Variants in CA10 observed in about 807,000 individuals in gnomAD.
CA10 encodes the protein carbonic anhydrase-related protein 10.
A neutral mutation model predicts 44.2 loss-of-function variants in CA10; 14 were observed. That is an observed-to-expected ratio of 0.32 (90% CI 0.21 to 0.50). The LOEUF is 0.50. CA10 is among the 20% of genes least tolerant of loss of function. CA10 has a pLI of 0.99. For synonymous variants in CA10, 159 were observed against 141.6 expected (o/e 1.12, Z -0.87); for missense variants, 350 against 409.7 (o/e 0.85, Z 1.26).
chr17:51,892,430 AAAT>A (rs1183656757), intron 3 of CA10, among the ~76,000 whole-genome samples: 2 of 152,190 alleles, frequency 1.3e-5, no homozygotes, highest in African/African-American at 4.8e-5. Flanking sequence ...TAATAAAAGG[AAAT>A]AATGAGAATT....
At position 51,851,743 on chromosome 17, in the gene CA10, T is replaced by A. The variant is rs534142515; in HGVS notation, c.279+79247A>T. ...CCTTGATAAATATTTGTTGAACTAA[T>A]CTGAACCATCTGTTGTCAGATAAAA... On this transcript the variant is annotated intron_variant, in intron 3 of 8. Coordinates refer to ENST00000451037, the MANE Select transcript of CA10 (RefSeq NM_020178.5). Among the ~76,000 whole-genome samples, 4 of 152,332 alleles carry A rather than the reference T, an allele frequency of 2.6e-5. No individual in the cohort carries two copies. The East Asian group carries it at 7.7e-4, about 29-fold the overall frequency.
At chr17:52,137,591 A>T (rs1989387942) in intron 1 of CA10, among the ~76,000 whole-genome samples, 1 of 151,954 alleles carries the variant, frequency 6.6e-6, no homozygotes, top group African/African-American at 2.4e-5. Flanking sequence ...TTTGAGTCTT[A>T]CTCTCTTATT....
At chr17:51,758,836 G>A (rs1598030650) in intron 3 of CA10, among the ~76,000 whole-genome samples, 1 of 152,182 alleles carries the variant, frequency 6.6e-6, no homozygotes, top group East Asian at 1.9e-4. Flanking sequence ...CAAAACCTTC[G>A]AGGTCAGCAT....
chr17:52,072,096 C>T (rs1987694965), intron 2 of CA10, among the ~76,000 whole-genome samples: 1 of 152,182 alleles, frequency 6.6e-6, no homozygotes, highest in Non-Finnish European at 1.5e-5. Flanking sequence ...TCCCCCTGCC[C>T]CTGAGGGCAT....
intron 3 of CA10, among the ~76,000 whole-genome samples, chr17:51,863,949 T>TTGGCCA (rs1979429506): frequency 6.6e-6 from 1 of 152,214 alleles, no homozygotes; most frequent in Admixed American, 6.5e-5. Flanking sequence ...GACTGAATCA[T>TTGGCCA]TGGCCATGAT....
At chr17:51,848,138 T>C (rs1411647582) in intron 3 of CA10, among the ~76,000 whole-genome samples, 1 of 152,128 alleles carries the variant, frequency 6.6e-6, no homozygotes, top group Non-Finnish European at 1.5e-5. Flanking sequence ...CCAAAATCAA[T>C]GCAAGAAAGG....
chr17:52,004,830 T>C (rs1430851471), intron 2 of CA10, among the ~76,000 whole-genome samples: 1 of 151,812 alleles, frequency 6.6e-6, no homozygotes, highest in Non-Finnish European at 1.5e-5. Flanking sequence ...ACCAATCCCA[T>C]CCTCTAATGC....
At chr17:51,868,006 C>T (rs571020821) in intron 3 of CA10, among the ~76,000 whole-genome samples, 1 of 151,376 alleles carries the variant, frequency 6.6e-6, no homozygotes, top group Admixed American at 6.6e-5. Context: ...CATAAATAAG[C>T]CTAGGTTTTC....
intron 3 of CA10, among the ~76,000 whole-genome samples, chr17:51,893,923 T>C (rs1980964135): frequency 1.3e-5 from 2 of 152,142 alleles, no homozygotes; most frequent in Non-Finnish European, 2.9e-5. Context: ...AAAACACATA[T>C]ATGGCAATAG....
At chr17:51,891,909 G>A (rs1235904134) in intron 3 of CA10, among the ~76,000 whole-genome samples, 2 of 152,182 alleles carry the variant, frequency 1.3e-5, no homozygotes, top group African/African-American at 4.8e-5. Flanking sequence ...CACCGGTGAG[G>A]AATGTATCAT....
Position 51,859,760 on chromosome 17 carries a change from G to A in CA10, c.279+71230C>T, listed in dbSNP as rs569666662. Among the ~76,000 whole-genome samples the A allele has an allele frequency of 3.9e-5, 6 of 152,278 alleles. No homozygotes were observed. In the South Asian group the frequency reaches 1.2e-3, roughly 32 times the overall value. ...GAAGACTAAAAGACGTGATGCAAAA[G>A]GGCATTGTAAAGTATAAAGAGCCAC... On this transcript the variant is annotated intron_variant, in intron 3 of 8. Coordinates refer to ENST00000451037, the MANE Select transcript of CA10 (RefSeq NM_020178.5).
chr17:52,037,208 T>C (rs1047155438), intron 2 of CA10, among the ~76,000 whole-genome samples: 1 of 152,070 alleles, frequency 6.6e-6, no homozygotes, highest in Non-Finnish European at 1.5e-5. Flanking sequence ...GGCAGTTGAA[T>C]AGATGGAAGT....
intron 4 of CA10, among the ~76,000 whole-genome samples, chr17:51,673,972 C>T (rs888789324): frequency 4.6e-5 from 7 of 152,188 alleles, no homozygotes; most frequent in African/African-American, 1.7e-4. Flanking sequence ...ATGTCCTTCC[C>T]CCCCAGGTTC....
chr17:51,695,995 T>C (rs376530239), intron 4 of CA10, among the ~76,000 whole-genome samples: 47 of 152,350 alleles, frequency 3.1e-4, no homozygotes, highest in African/African-American at 1.0e-3. Context: ...TGAACCAACC[T>C]TGCATCCCAG....
At chr17:52,045,074 A>G (rs967035159) in intron 2 of CA10, among the ~76,000 whole-genome samples, 2 of 151,880 alleles carry the variant, frequency 1.3e-5, no homozygotes, top group African/African-American at 4.8e-5. Flanking sequence ...TGGGCAAACT[A>G]AAAAATATAT....
At chr17:51,888,240 G>A (rs1390837106) in intron 3 of CA10, among the ~76,000 whole-genome samples, 5 of 151,910 alleles carry the variant, frequency 3.3e-5, no homozygotes, top group Admixed American at 3.3e-4. Context: ...AAGGAGGAAG[G>A]AAAAAGAAAT....
intron 3 of CA10, among the ~76,000 whole-genome samples, chr17:51,904,235 C>G (rs1465608800): frequency 1.1e-4 from 17 of 151,898 alleles, no homozygotes; most frequent in Admixed American, 1.1e-3. Flanking sequence ...CTTAGAAGGT[C>G]ATGTTGACCA....
At chr17:51,641,936 G>A (rs1350756295) in intron 6 of CA10, among the ~76,000 whole-genome samples, 1 of 152,142 alleles carries the variant, frequency 6.6e-6, no homozygotes, top group East Asian at 1.9e-4. Flanking sequence ...ACAAGGCACG[G>A]TAGTTTCAGA....
At chr17:51,827,353 C>A (rs1374378133) in intron 3 of CA10, among the ~76,000 whole-genome samples, 2 of 149,802 alleles carry the variant, frequency 1.3e-5, no homozygotes, top group Admixed American at 1.3e-4. Flanking sequence ...CACACACACA[C>A]ATACACACAC....
Sources: gnomAD v4.1 joint callset for allele counts (sites outside exome capture counted in the v4.1 genomes callset) on GRCh38, gnomAD v4.1.1 for gene constraint, MANE v1.5 for transcripts, NCBI Gene and HGNC (gene_info 2026-07-23, HGNC 2026-07-21) for gene names.